Variants in PGLYRP4 observed in about 807,000 individuals in gnomAD.
PGLYRP4 encodes PGRP-I-beta.
In PGLYRP4, 39 loss-of-function variants were observed where a neutral mutation model predicts 41.2. The ratio of observed to expected loss-of-function variants is 0.95; its 90% CI spans 0.73 to 1.24. The LOEUF (loss-of-function observed/expected upper bound fraction) is 1.24, where lower values mean the gene tolerates loss of function less well. Ranked by LOEUF, PGLYRP4 falls within the 50% of genes most tolerant of loss-of-function variation. The probability of loss-of-function intolerance (pLI) is 0.00; values close to 1 mark genes in which losing one functional copy is unlikely to be tolerated. For missense variants in PGLYRP4, 467 were observed against 460.7 expected, an observed-to-expected ratio of 1.01 and a Z score of -0.13; for synonymous variants, 202 against 186.8, an observed-to-expected ratio of 1.08 and a Z score of -0.66.
At chr1:153,340,667 C>T (rs1262467655) in intron 6 of PGLYRP4, 88 bp from the exon 7 acceptor site, 21 of 1,310,120 alleles carry the variant, frequency 1.6e-5, no homozygotes, top group Non-Finnish European at 2.1e-5. Flanking sequence ...ATGCTCAGGA[C>T]CCTCAACTTC....
At chr1:153,336,303 G>A (rs370846613) in intron 8 of PGLYRP4, among the ~76,000 whole-genome samples, 4 of 140,238 alleles carry the variant, frequency 2.9e-5, no homozygotes, top group Non-Finnish European at 4.5e-5. Context: ...CCCAGGAGGC[G>A]GAGGTTTCAG....
At chr1:153,346,004 C>T in intron 3 of PGLYRP4, 98 bp downstream of exon 3, 2 of 865,074 alleles carry the variant, frequency 2.3e-6, no homozygotes, top group Admixed American at 1.8e-5. Context: ...TTTCCCCCTC[C>T]CAGTCACATG....
At position 153,345,235 on chromosome 1, in the gene PGLYRP4, C is replaced by A. The variant is rs1406556694; in HGVS notation, c.287G>T (p.Ser96Ile). Residue 96 changes from serine (S) to isoleucine (I), a missense_variant, in exon 4 of 9, where the codon AGC (serine) becomes ATC (isoleucine). Ser to Ile is a moderately radical substitution (Grantham distance 142). Transcript: ENST00000359650. ...GGCCTGCAGTTCCCGCAGTCTCTGG[C>A]TGCAGACTGTCTGGTCGTGACACTC... ...GLECHDQTVC[S>I]QRLRELQAHH... The A allele has an allele frequency of 1.2e-6, 2 of 1,614,134 alleles. No individual in the cohort carries two copies. The highest frequency in any genetic ancestry group is 2.2e-5 in the South Asian group (2 of 91,082).
Position 153,337,303 on chromosome 1 carries a change from G to C in PGLYRP4, c.825-4C>G, listed in dbSNP as rs760507904. The C allele has an allele frequency of 2.5e-6, 4 of 1,579,032 alleles. No homozygotes were observed. The African/African-American group carries it at 5.4e-5, about 21-fold the overall frequency. Reference sequence around the variant, plus strand: ...GCCATCCTGGCCCACCAGGAAGCTAGAGGACCACAAGGGGAGATGGAGACC... The same window carrying C: ...GCCATCCTGGCCCACCAGGAAGCTACAGGACCACAAGGGGAGATGGAGACC... On this transcript the variant is annotated splice_region_variant and splice_polypyrimidine_tract_variant and intron_variant, in intron 7 of 8. Transcript: ENST00000359650.
intron 4 of PGLYRP4, 148 bp downstream of exon 4, chr1:153,345,021 T>C (rs1340476922): frequency 6.5e-6 from 4 of 619,540 alleles, no homozygotes; most frequent in Non-Finnish European, 1.1e-5. Context: ...GGATTGGGAG[T>C]TTCATGGGGG....
At chr1:153,334,816 A>G (rs1464421606) in intron 8 of PGLYRP4, among the ~76,000 whole-genome samples, 1 of 152,194 alleles carries the variant, frequency 6.6e-6, no homozygotes, top group Non-Finnish European at 1.5e-5. Context: ...CTACAAGACT[A>G]TAGTAACCAA....
Position 153,345,339 on chromosome 1 carries a change from C to T in PGLYRP4, c.183G>A (p.Trp61Ter), listed in dbSNP as rs1477137782. Residue 61 changes from tryptophan to a stop codon, truncating the protein, a stop_gained, in exon 4 of 9, where the codon TGG (tryptophan) becomes TGA (stop). Transcript: ENST00000359650. LOFTEE classifies it high-confidence loss of function. ...DVSTTVSRKA[W>*]GAEAVGCSIQ... is the part of the protein sequence containing the mutation. ...TACTGCAGCCAACAGCTTCTGCCCC[C>T]CATGCCTTGCGAGAGACCGTGGTGG... 4 of 1,614,078 alleles carry T rather than the reference C, an allele frequency of 2.5e-6. No homozygotes were observed. The highest frequency in any genetic ancestry group is 4.5e-5 in the East Asian group (2 of 44,898).
At chr1:153,341,922 G>T in intron 5 of PGLYRP4, 143 bp from the exon 6 acceptor site, 1 of 710,428 alleles carries the variant, frequency 1.4e-6, no homozygotes, top group Non-Finnish European at 2.2e-6. Context: ...AGTTGGAGAG[G>T]CTGAGAATTA....
Position 153,339,456 on chromosome 1 carries a change from G to A in PGLYRP4, c.824+925C>T, listed in dbSNP as rs567033397. 6.7e-4 allele frequency among the ~76,000 whole-genome samples: 102 copies of A among 152,282 alleles called. 1 individual carries two copies. The South Asian group carries it at 0.01, about 15-fold the overall frequency. ...TGTACCAAGCAATGGTAAATTCATC[G>A]CTAAGCCATAAATGGCCCTAGAGTT... On this transcript the variant is annotated intron_variant, in intron 7 of 8. Transcript: ENST00000359650.
chr1:153,336,154 T>C (rs554022167), intron 8 of PGLYRP4, among the ~76,000 whole-genome samples: 1 of 151,588 alleles, frequency 6.6e-6, no homozygotes, highest in South Asian at 2.1e-4. Flanking sequence ...GGGAGGATCA[T>C]GAGGTCAGGA....
chr1:153,347,985 G>C lies in PGLYRP4; in HGVS notation c.-46-7C>G. The C allele has an allele frequency of 7.0e-7, 1 of 1,430,622 alleles. No individual in the cohort carries two copies. Among genetic ancestry groups the C allele is most frequent in the Non-Finnish European group, 9.8e-7 (1 of 1,018,810 alleles). The allele number at this position is 1,430,622 out of a possible 1,614,324, so 88.6% of individuals were successfully genotyped here. A position where few individuals can be genotyped will look rare whatever the true frequency, so the allele number is the denominator to read the frequency against. On this transcript the variant is annotated splice_polypyrimidine_tract_variant and splice_region_variant and intron_variant, in intron 1 of 8. Transcript: ENST00000359650. ...GGAGAGTGTGGATGGCAGCCTGAGA[G>C]AGACGCTGACAGTTGTTAACATGAC... is the stretch of plus-strand genomic sequence containing the variant.
intron 8 of PGLYRP4, among the ~76,000 whole-genome samples, chr1:153,333,434 G>C (rs943427172): frequency 8.6e-5 from 13 of 151,968 alleles, no homozygotes; most frequent in Non-Finnish European, 1.5e-4. Context: ...ATTAAAAAAA[G>C]ATTCTCCCAA....
intron 3 of PGLYRP4, among the ~76,000 whole-genome samples, chr1:153,345,585 G>T (rs1660975650): frequency 6.6e-6 from 1 of 152,152 alleles, no homozygotes; most frequent in African/African-American, 2.4e-5. Flanking sequence ...GGAGCCTAAT[G>T]CTTTGCTCCC....
At chr1:153,347,166 C>T (rs1334550668) in intron 2 of PGLYRP4, among the ~76,000 whole-genome samples, 7 of 151,310 alleles carry the variant, frequency 4.6e-5, no homozygotes, top group Non-Finnish European at 8.8e-5. Flanking sequence ...CTCTGCCTCC[C>T]GGGTTCAAGC....
chr1:153,343,023 A>T, intron 5 of PGLYRP4, 67 bp downstream of exon 5: 2 of 932,066 alleles, frequency 2.1e-6, no homozygotes, highest in Non-Finnish European at 3.5e-6. Flanking sequence ...GCTAGTTCCC[A>T]TGAAGTGGCC....
chr1:153,337,350 TTC>T, intron 7 of PGLYRP4, 51 bp from the exon 8 acceptor site: 2 of 1,092,588 alleles, frequency 1.8e-6, no homozygotes, highest in Admixed American at 4.4e-5. Context: ...CTGGAATTGT[TTC>T]TCTCTTTCAT....
chr1:153,331,229 G>GC (rs1210797271), intron 8 of PGLYRP4, among the ~76,000 whole-genome samples: 1 of 152,154 alleles, frequency 6.6e-6, no homozygotes, highest in Non-Finnish European at 1.5e-5. Flanking sequence ...GTGCAATTTA[G>GC]CCCCCCAAAG....
chr1:153,345,226 A>T lies in PGLYRP4; in HGVS notation c.296T>A (p.Leu99Gln). ...GACATGATGGGCCTGCAGTTCCCGC[A>T]GTCTCTGGCTGCAGACTGTCTGGTC... Reference protein sequence around the residue: ...CHDQTVCSQRLRELQAHHVHN... With the variant: ...CHDQTVCSQRQRELQAHHVHN... The change falls in exon 4 of 9, where the codon CTG becomes CAG. Residue 99 changes from leucine to glutamine, a missense_variant. Leu to Gln is a moderately radical substitution (Grantham distance 113). Transcript: ENST00000359650. The T allele has an allele frequency of 3.1e-6, 5 of 1,614,096 alleles. No individual in the cohort carries two copies. The highest frequency in any genetic ancestry group is 4.2e-6 in the Non-Finnish European group (5 of 1,180,028).
chr1:153,331,709 G>A (rs1423990777), intron 8 of PGLYRP4: 6 of 152,418 alleles, frequency 3.9e-5, no homozygotes, highest in Admixed American at 6.5e-5. Context: ...ATGCAAATTC[G>A]TGAAGCATTC....
Sources: allele counts gnomAD v4.1 joint callset (sites outside exome capture counted in the v4.1 genomes callset), GRCh38; gene constraint gnomAD v4.1.1; transcripts MANE v1.5; gene names NCBI Gene and HGNC (gene_info 2026-07-23, HGNC 2026-07-21).